The following NUP214 variants were observed in gnomAD, a reference collection of about 807,000 sequenced individuals.
NUP214 encodes nucleoporin 214, also known as nuclear pore complex protein Nup214.
In NUP214, 79 loss-of-function variants were observed where a neutral mutation model predicts 196.2. That is an observed-to-expected ratio of 0.40 (90% CI 0.34 to 0.49). NUP214 has a LOEUF of 0.49. NUP214 is among the 20% of genes least tolerant of loss of function. The pLI is 0.58. For missense variants in NUP214, 2,468 were observed against 2,539.0 expected (o/e 0.97, Z 0.60); for synonymous variants, 1,020 against 990.5 (o/e 1.03, Z -0.56).
At chr9:131,141,263 G>C (rs2148660) in intron 11 of NUP214, among the ~76,000 whole-genome samples, 41,387 of 151,864 alleles carry the variant, frequency 0.27, 5,939 homozygotes, top group East Asian at 0.42. Context: ...TGGGAACATG[G>C]AGATTTTTGT....
chr9:131,175,311 TGC>T, intron 22 of NUP214, 147 bp from the exon 23 acceptor site: 1 of 870,600 alleles, frequency 1.1e-6, no homozygotes, highest in Non-Finnish European at 1.7e-6. Context: ...AAGATATAGA[TGC>T]CAGCCTGTTA....
chr9:131,130,161 T>TTTTTTTTTTTTTTTTTTTTTTTG (rs1554728091), intron 4 of NUP214, among the ~76,000 whole-genome samples: 1 of 136,486 alleles, frequency 7.3e-6, no homozygotes, highest in Non-Finnish European at 1.6e-5. Context: ...GTTTTTTTTT[T>TTTTTTTTTTTTTTTTTTTTTTTG]GAGACAGAGT....
chr9:131,225,264 C>T (rs1834689661), intron 32 of NUP214, among the ~76,000 whole-genome samples: 1 of 151,550 alleles, frequency 6.6e-6, no homozygotes, highest in East Asian at 1.9e-4. Flanking sequence ...AAAAATAATG[C>T]AAAAATAAGC....
chr9:131,222,984 A>G (rs1834604827), intron 32 of NUP214, 54 bp downstream of exon 32: 2 of 1,552,774 alleles, frequency 1.3e-6, no homozygotes, highest in Non-Finnish European at 1.8e-6. Context: ...TTGTTTATGC[A>G]TAGATATCTG....
At chr9:131,181,246 A>G (rs541485809) in intron 24 of NUP214, among the ~76,000 whole-genome samples, 1 of 152,158 alleles carries the variant, frequency 6.6e-6, no homozygotes, top group African/African-American at 2.4e-5. Context: ...AGAGCGAGTC[A>G]GGGGGGACCT....
At position 131,145,527 on chromosome 9, in the gene NUP214, C is replaced by A. The variant is rs147539295; in HGVS notation, c.1770-602C>A. On this transcript the variant is annotated intron_variant, in intron 12 of 35. Coordinates refer to ENST00000359428, the MANE Select transcript of NUP214 (RefSeq NM_005085.4). The stretch of plus-strand genomic sequence containing the variant: ...CTGTTAATACTGAATTGGCACACAT[C>A]CACTTCATGCTAAGGGTTGCATAGT... Among the ~76,000 whole-genome samples the A allele has an allele frequency of 1.1e-3, 175 of 152,304 alleles. 1 individual carries two copies. The highest frequency in any genetic ancestry group is 3.9e-3 in the African/African-American group (162 of 41,566).
rs185094596 is a variant in NUP214, at chr9:131,150,254, A to G, written c.2041-70A>G. Reference sequence around the variant, plus strand: ...GTGTTACAGGAGCGCCACTCCCTGTAATAGGCTCTGATATAATTGCTTGTA... The same window carrying G: ...GTGTTACAGGAGCGCCACTCCCTGTGATAGGCTCTGATATAATTGCTTGTA... On this transcript the variant is annotated intron_variant, in intron 14 of 35. Transcript: ENST00000359428. The G allele has an allele frequency of 4.3e-4, 581 of 1,337,180 alleles. 4 individuals carry two copies. The African/African-American group carries it at 6.9e-3, about 16-fold the overall frequency. 82.8% of individuals were successfully genotyped at this position (1,337,180 alleles called of 1,614,324 possible).
rs756102313 is a variant in NUP214 at position 131,192,277 on chromosome 9, C to T, written c.3644C>T (p.Ser1215Leu). Residue 1215 changes from serine (S) to leucine (L), a missense_variant, in exon 27 of 36, where the codon TCA becomes TTA. Ser to Leu is a moderately radical substitution (Grantham distance 145). Transcript: ENST00000359428. ...SASGQFSKPF[S>L]FSPSGTGFNF... is the part of the protein sequence containing the mutation. The stretch of plus-strand genomic sequence containing the variant: ...TCTGGGCAGTTCAGCAAGCCTTTCT[C>T]ATTTTCTCCATCAGGGTCAGTAATG... The T allele has an allele frequency of 1.0e-5, 15 of 1,471,028 alleles. No homozygotes were observed. In the Admixed American group the frequency reaches 1.7e-4, roughly 17 times the overall value. 91.1% of individuals were successfully genotyped at this position (1,471,028 alleles called of 1,614,324 possible). A position where few individuals can be genotyped will look rare whatever the true frequency, so the allele number is the denominator to read the frequency against.
chr9:131,130,615 T>G, intron 4 of NUP214, 151 bp from the exon 5 acceptor site: 1 of 666,418 alleles, frequency 1.5e-6, no homozygotes, highest in South Asian at 2.0e-5. Context: ...TTAAAATGAT[T>G]TTACTTTTTT....
chr9:131,227,999 G>GGGGGGGGGGGGGGGA (rs1554743215), intron 32 of NUP214, among the ~76,000 whole-genome samples, 161 bp from the exon 33 acceptor site: 3 of 133,274 alleles, frequency 2.3e-5, no homozygotes, highest in Non-Finnish European at 3.2e-5. Flanking sequence ...GGGGAGGGGG[G>GGGGGGGGGGGGGGGA]GTGTTGCCCT....
chr9:131,151,608 T>G, intron 16 of NUP214, 128 bp from the exon 17 acceptor site: 1 of 616,082 alleles, frequency 1.6e-6, no homozygotes, highest in Non-Finnish European at 2.8e-6. Flanking sequence ...TTTTTTTACC[T>G]GAGTTAAATA....
intron 7 of NUP214, 128 bp downstream of exon 7, chr9:131,133,337 C>G: frequency 1.8e-6 from 1 of 559,342 alleles, no homozygotes; most frequent in South Asian, 2.5e-5. Flanking sequence ...CAAGATCTCA[C>G]TCTGTCGCCC....
chr9:131,164,873 G>GTT (rs1343313379), intron 21 of NUP214, among the ~76,000 whole-genome samples: 3 of 152,022 alleles, frequency 2.0e-5, no homozygotes, highest in African/African-American at 7.2e-5. Context: ...TAACTGCTTT[G>GTT]TTTTAGTATC....
chr9:131,223,350 A>G (rs1426071063), intron 32 of NUP214, among the ~76,000 whole-genome samples: 1 of 151,824 alleles, frequency 6.6e-6, no homozygotes, highest in Admixed American at 6.6e-5. Flanking sequence ...TATTTTTAGG[A>G]GAGATGAGGT....
intron 19 of NUP214, 179 bp downstream of exon 19, chr9:131,163,352 A>G (rs1832697368): frequency 1.7e-6 from 1 of 585,516 alleles, no homozygotes; most frequent in Non-Finnish European, 2.9e-6. Context: ...TGAGGATGAC[A>G]ATACCTGCTT....
intron 28 of NUP214, chr9:131,195,503 A>C: frequency 2.1e-6 from 1 of 481,920 alleles, no homozygotes; most frequent in Non-Finnish European, 3.7e-6. Flanking sequence ...GGACAAGGAA[A>C]GGATTTGCTT....
At chr9:131,173,690 G>A (rs1334144815) in intron 21 of NUP214, among the ~76,000 whole-genome samples, 1 of 152,034 alleles carries the variant, frequency 6.6e-6, no homozygotes, top group Non-Finnish European at 1.5e-5. Flanking sequence ...GACAGTAATG[G>A]TGTGATTGTT....
At chr9:131,169,325 C>T (rs528115875) in intron 21 of NUP214, among the ~76,000 whole-genome samples, 5 of 152,126 alleles carry the variant, frequency 3.3e-5, no homozygotes, top group East Asian at 3.9e-4. Context: ...TGAGCCACCA[C>T]GCCCAGCCTC....
Position 131,197,678 on chromosome 9 carries a change from C to T in NUP214, c.4184C>T (p.Thr1395Ile). The T allele has an allele frequency of 1.9e-6, 3 of 1,614,206 alleles. No individual in the cohort carries two copies. The highest frequency in any genetic ancestry group is 2.5e-6 in the Non-Finnish European group (3 of 1,180,028). Residue 1395 changes from threonine (T) to isoleucine (I), a missense_variant, in exon 29 of 36, where the codon ACC (threonine) becomes ATC (isoleucine). Around this residue, in one of 5 missense-constraint regions of NUP214, gnomAD observed 1,801 missense variants for 1,779.4 expected, o/e 1.01. Transcript: ENST00000359428. ...EPPVTSSATT[T>I]SVAPPAATST... is the part of the protein sequence containing the mutation. ...CCTGTGACATCCTCTGCAACCACCA[C>T]CTCAGTAGCACCACCAGCAGCCACC...
Sources: gnomAD v4.1 joint callset for allele counts (sites outside exome capture counted in the v4.1 genomes callset) on GRCh38, gnomAD v4.1.1 for gene constraint, gnomAD v4.1.1 regional missense constraint, MANE v1.5 for transcripts, NCBI Gene and HGNC (gene_info 2026-07-23, HGNC 2026-07-21) for gene names.